Variants in CSMD1 observed in about 807,000 individuals in gnomAD.
The protein encoded by CSMD1 is CUB and Sushi multiple domains 1.
CSMD1 carries 213 observed loss-of-function variants against 417.5 expected under a neutral mutation model. The ratio of observed to expected loss-of-function variants is 0.51; its 90% CI spans 0.46 to 0.57. The LOEUF (loss-of-function observed/expected upper bound fraction) is 0.57, where lower values mean the gene tolerates loss of function less well. Ranked by LOEUF, CSMD1 falls within the 20% of genes least tolerant of loss-of-function variation. CSMD1 has a pLI of 0.00. For synonymous variants in CSMD1, 2,862 were observed against 1,736.8 expected (o/e 1.65, Z -16.11); for missense variants, 6,923 against 4,529.7 (o/e 1.53, Z -15.17).
At chr8:3,662,798 T>C (rs1011694916) in intron 7 of CSMD1, among the ~76,000 whole-genome samples, 1 of 149,808 alleles carries the variant, frequency 6.7e-6, no homozygotes, top group Non-Finnish European at 1.5e-5. Flanking sequence ...TGAGAACACA[T>C]GGACACAGGG....
intron 12 of CSMD1, among the ~76,000 whole-genome samples, chr8:3,461,393 C>T (rs1414543229): frequency 6.6e-6 from 1 of 152,172 alleles, no homozygotes; most frequent in Non-Finnish European, 1.5e-5. Flanking sequence ...TGGTCTTCAC[C>T]CTAAATCCAC....
intron 6 of CSMD1, among the ~76,000 whole-genome samples, chr8:3,739,542 T>TC (rs1796689802): frequency 6.6e-6 from 1 of 151,964 alleles, no homozygotes; most frequent in Non-Finnish European, 1.5e-5. Context: ...ACACGTCAAT[T>TC]GAAAAAAAGG....
At chr8:4,446,434 G>A (rs899818587) in intron 2 of CSMD1, among the ~76,000 whole-genome samples, 30 of 152,092 alleles carry the variant, frequency 2.0e-4, no homozygotes, top group African/African-American at 3.4e-4. Context: ...TGTAGTCCCC[G>A]CTACTCAGGT....
At chr8:3,200,856 G>T (rs1030373540) in intron 32 of CSMD1, among the ~76,000 whole-genome samples, 1 of 152,148 alleles carries the variant, frequency 6.6e-6, no homozygotes, top group African/African-American at 2.4e-5. Flanking sequence ...ATTGGTCAAA[G>T]CTTGTGACGC....
At chr8:3,757,919 A>G (rs927475743) in intron 5 of CSMD1, among the ~76,000 whole-genome samples, 47 of 152,142 alleles carry the variant, frequency 3.1e-4, no homozygotes, top group African/African-American at 9.4e-4. Flanking sequence ...CAGATGATGC[A>G]TAGCAGCCTA....
At chr8:4,041,071 CAG>C (rs1797865693) in intron 3 of CSMD1, among the ~76,000 whole-genome samples, 6 of 131,348 alleles carry the variant, frequency 4.6e-5, no homozygotes, top group Non-Finnish European at 6.2e-5. Context: ...GGCTGGAGTG[CAG>C]TGGCGCGATC....
At chr8:3,774,724 C>T (rs1196960266) in intron 5 of CSMD1, among the ~76,000 whole-genome samples, 7 of 152,148 alleles carry the variant, frequency 4.6e-5, no homozygotes, top group Admixed American at 4.6e-4. Flanking sequence ...TTTCTGCTCT[C>T]AAATTTTGGT....
intron 6 of CSMD1, among the ~76,000 whole-genome samples, chr8:3,741,779 C>T (rs1584931417): frequency 6.6e-6 from 1 of 152,142 alleles, no homozygotes; most frequent in East Asian, 1.9e-4. Context: ...TGGGAATATG[C>T]CCATTTCTCT....
chr8:4,730,991 T>G (rs1217364142), intron 1 of CSMD1, among the ~76,000 whole-genome samples: 1 of 151,936 alleles, frequency 6.6e-6, no homozygotes, highest in Non-Finnish European at 1.5e-5. Flanking sequence ...GGCTTGGGAG[T>G]TCTATGTCAT....
At chr8:3,907,489 G>A (rs1808187828) in intron 5 of CSMD1, among the ~76,000 whole-genome samples, 1 of 152,154 alleles carries the variant, frequency 6.6e-6, no homozygotes, top group East Asian at 1.9e-4. Flanking sequence ...AAATGTTACA[G>A]TGGCCTATTA....
At chr8:3,677,456 C>G (rs1799435164) in intron 7 of CSMD1, among the ~76,000 whole-genome samples, 2 of 152,160 alleles carry the variant, frequency 1.3e-5, no homozygotes, top group South Asian at 2.1e-4. Flanking sequence ...TCAGGAAAGT[C>G]CTGGGTGAAT....
intron 3 of CSMD1, among the ~76,000 whole-genome samples, chr8:4,053,434 C>T (rs1017355558): frequency 6.6e-6 from 1 of 152,032 alleles, no homozygotes; most frequent in African/African-American, 2.4e-5. Context: ...TGCTTTTTAT[C>T]ATGGTCTCGG....
chr8:3,840,675 C>A (rs1314492655), intron 5 of CSMD1, among the ~76,000 whole-genome samples: 1 of 150,172 alleles, frequency 6.7e-6, no homozygotes, highest in Non-Finnish European at 1.5e-5. Flanking sequence ...TATACAGTGA[C>A]CTCAATTCTT....
Position 4,158,294 on chromosome 8 carries a change from T to C in CSMD1, c.416-126195A>G, listed in dbSNP as rs184458685. 5.3e-5 allele frequency among the ~76,000 whole-genome samples: 8 copies of C among 152,086 alleles called. No homozygotes were observed. The East Asian group carries it at 1.6e-3, about 29-fold the overall frequency. On this transcript the variant is annotated intron_variant, in intron 3 of 69. Coordinates refer to ENST00000635120, the MANE Select transcript of CSMD1 (RefSeq NM_033225.6). ...GGGAAGACTAAACAACAGAAGTACA[T>C]GTCAAGCCCTTGGAGGAAGGATGCA... is the stretch of plus-strand genomic sequence containing the variant.
intron 40 of CSMD1, among the ~76,000 whole-genome samples, chr8:3,145,690 T>C (rs936733622): frequency 6.6e-6 from 1 of 152,198 alleles, no homozygotes; most frequent in Non-Finnish European, 1.5e-5. Context: ...TTTCAGCAAA[T>C]TGCATCCAGT....
chr8:4,100,868 G>C (rs1179013768), intron 3 of CSMD1, among the ~76,000 whole-genome samples: 2 of 152,278 alleles, frequency 1.3e-5, no homozygotes, highest in South Asian at 2.1e-4. Context: ...AAAAATATAT[G>C]TTAGAAAGCC....
At chr8:3,786,206 G>C (rs12716599) in intron 5 of CSMD1, among the ~76,000 whole-genome samples, 41,754 of 151,984 alleles carry the variant, frequency 0.27, 6,073 homozygotes, top group Non-Finnish European at 0.32. Context: ...CTGTTATTTT[G>C]GGCACGTTGG....
At chr8:4,689,537 G>A (rs777394168) in intron 1 of CSMD1, among the ~76,000 whole-genome samples, 5 of 152,114 alleles carry the variant, frequency 3.3e-5, no homozygotes, top group African/African-American at 4.8e-5. Context: ...AGTATCATAA[G>A]GATTATTAAG....
At chr8:4,911,669 CT>C (rs1304654678) in intron 1 of CSMD1, among the ~76,000 whole-genome samples, 1 of 152,122 alleles carries the variant, frequency 6.6e-6, no homozygotes, top group Non-Finnish European at 1.5e-5. Context: ...ACTTCGAAGT[CT>C]GCATAAATAG....
Sources: allele counts gnomAD v4.1 joint callset (sites outside exome capture counted in the v4.1 genomes callset), GRCh38; gene constraint gnomAD v4.1.1; transcripts MANE v1.5; gene names NCBI Gene and HGNC (gene_info 2026-07-23, HGNC 2026-07-21).